The following HAO1 variants were observed in gnomAD, a reference collection of about 807,000 sequenced individuals.
The protein encoded by HAO1 is 2-Hydroxyacid oxidase 1.
A neutral mutation model predicts 39.7 loss-of-function variants in HAO1; 34 were observed. That is an observed-to-expected ratio of 0.86 (90% confidence interval 0.65 to 1.14). HAO1 has a LOEUF of 1.14. Ranked by LOEUF, HAO1 falls within the 50% of genes most tolerant of loss-of-function variation. HAO1 has a pLI of 0.00. For missense variants in HAO1, 479 were observed against 464.5 expected (o/e 1.03, Z -0.29); for synonymous variants, 172 against 173.2 (o/e 0.99, Z 0.05).
chr20:7,908,319 G>A (rs1340827072), intron 3 of HAO1, among the ~76,000 whole-genome samples: 3 of 150,668 alleles, frequency 2.0e-5, no homozygotes, highest in African/African-American at 5.0e-5. Context: ...TTGAACCCGG[G>A]AGGCGAGGTT....
At chr20:7,913,476 A>G (rs2050290329) in intron 3 of HAO1, among the ~76,000 whole-genome samples, 1 of 152,342 alleles carries the variant, frequency 6.6e-6, no homozygotes, top group South Asian at 2.1e-4. Flanking sequence ...AGTCTTTCCC[A>G]GAGACTTCCA....
chr20:7,939,921 T>A (rs1490481700), intron 1 of HAO1, among the ~76,000 whole-genome samples: 1 of 152,218 alleles, frequency 6.6e-6, no homozygotes, highest in Non-Finnish European at 1.5e-5. Context: ...ATAAGATGGT[T>A]ATCTGGCATT....
chr20:7,918,630 C>T lies in HAO1; in HGVS notation c.290-4211G>A, dbSNP rs147543156. 4.2e-3 allele frequency among the ~76,000 whole-genome samples: 645 copies of T among 152,306 alleles called. 5 individuals carry two copies. Among genetic ancestry groups the T allele is most frequent in the Non-Finnish European group, 7.6e-3 (518 of 68,026 alleles). Reference sequence around the variant, plus strand: ...GTGCCGGCAGAGCGGGGGGCATCCACCCTGTTAGAGCGCTAGAGACCAGCA... The same window carrying T: ...GTGCCGGCAGAGCGGGGGGCATCCATCCTGTTAGAGCGCTAGAGACCAGCA... On this transcript the variant is annotated intron_variant, in intron 2 of 7. Transcript: ENST00000378789.
At chr20:7,932,302 A>C in intron 2 of HAO1, among the ~76,000 whole-genome samples, 1 of 152,176 alleles carries the variant, frequency 6.6e-6, no homozygotes, top group East Asian at 1.9e-4. Context: ...AATCAGTGTG[A>C]GAAGGAACTA....
At chr20:7,931,151 G>A (rs1050778429) in intron 2 of HAO1, among the ~76,000 whole-genome samples, 4 of 152,104 alleles carry the variant, frequency 2.6e-5, no homozygotes, top group African/African-American at 7.2e-5. Flanking sequence ...ACCCAATGGA[G>A]GACCCTATGT....
Position 7,940,334 on chromosome 20 carries a change from C to G in HAO1, c.89G>C (p.Gly30Ala), listed in dbSNP as rs755523796. ...PKSIYDYYRS[G>A]ANDEETLADN... Reference sequence around the variant, plus strand: ...AGCCAAAGTTTCTTCATCATTTGCCCCAGACCTGTAATAGTCATATATAGA... The same window carrying G: ...AGCCAAAGTTTCTTCATCATTTGCCGCAGACCTGTAATAGTCATATATAGA... The change falls in exon 1 of 8, where the codon GGG becomes GCG. Residue 30 changes from glycine (G) to alanine (A), a missense_variant. Physicochemically the swap from Gly to Ala is moderately conservative, Grantham distance 60. Coordinates refer to ENST00000378789, the MANE Select transcript of HAO1 (RefSeq NM_017545.3). The G allele has an allele frequency of 8.1e-6, 13 of 1,610,952 alleles. 1 individual carries two copies. The South Asian group carries it at 1.1e-4, about 14-fold the overall frequency.
chr20:7,909,114 C>T (rs866285650), intron 3 of HAO1, among the ~76,000 whole-genome samples: 18 of 151,692 alleles, frequency 1.2e-4, no homozygotes, highest in African/African-American at 3.6e-4. Context: ...AAAACAGAAA[C>T]GTGGATAAAA....
chr20:7,890,023 G>A (rs2122750587), intron 5 of HAO1, among the ~76,000 whole-genome samples: 1 of 152,124 alleles, frequency 6.6e-6, no homozygotes, highest in South Asian at 2.1e-4. Flanking sequence ...CCTCCCCCAA[G>A]ACCTTTACCG....
intron 1 of HAO1, among the ~76,000 whole-genome samples, chr20:7,935,187 T>C (rs992984024): frequency 6.6e-6 from 1 of 152,206 alleles, no homozygotes; most frequent in Non-Finnish European, 1.5e-5. Context: ...GTGTCAATAG[T>C]TTGTTCCTTT....
intron 2 of HAO1, among the ~76,000 whole-genome samples, chr20:7,927,987 T>A (rs376574333): frequency 6.6e-6 from 1 of 152,222 alleles, no homozygotes; most frequent in Admixed American, 6.5e-5. Context: ...TAAAGATAGA[T>A]GAATAAATAA....
intron 2 of HAO1, among the ~76,000 whole-genome samples, chr20:7,931,668 G>T (rs528079401): frequency 5.1e-4 from 78 of 152,146 alleles, no homozygotes; most frequent in African/African-American, 1.9e-3. Context: ...ACTGTAATAG[G>T]CATTTAATAT....
intron 1 of HAO1, among the ~76,000 whole-genome samples, chr20:7,939,799 CAA>C (rs2050432408): frequency 6.6e-6 from 1 of 151,996 alleles, no homozygotes. Flanking sequence ...GCTGCATAGA[CAA>C]ATTGAAATCT....
rs6118004 is a variant in HAO1 at position 7,916,402 on chromosome 20, C to T, written c.290-1983G>A. On this transcript the variant is annotated intron_variant, in intron 2 of 7. Transcript: ENST00000378789. ...AATATACTTGTCCAAATGACACTCA[C>T]AGGATGTTGATAGGAATCCAGTGAG... Among the ~76,000 whole-genome samples, 47,662 of 152,126 alleles carry T rather than the reference C, an allele frequency of 0.31. 8,979 individuals are homozygous for T. The highest frequency in any genetic ancestry group is 0.51 in the African/African-American group (21,193 of 41,488).
intron 1 of HAO1, among the ~76,000 whole-genome samples, chr20:7,936,557 C>G (rs13045772): frequency 0.15 from 13,448 of 92,420 alleles, 668 homozygotes; most frequent in East Asian, 0.33. Context: ...TTCGCGCGCG[C>G]GCGCGCGCGT....
At chr20:7,920,465 C>T (rs2050325755) in intron 2 of HAO1, among the ~76,000 whole-genome samples, 1 of 152,084 alleles carries the variant, frequency 6.6e-6, no homozygotes, top group Non-Finnish European at 1.5e-5. Context: ...TTAAGATATA[C>T]AATACATTAC....
intron 1 of HAO1, among the ~76,000 whole-genome samples, chr20:7,938,776 C>T (rs2050425889): frequency 6.6e-6 from 1 of 152,138 alleles, no homozygotes; most frequent in African/African-American, 2.4e-5. Context: ...GGGACAGGAA[C>T]TTTGTCTGGC....
intron 3 of HAO1, among the ~76,000 whole-genome samples, chr20:7,911,014 T>C (rs1041281000): frequency 2.0e-5 from 3 of 152,222 alleles, no homozygotes; most frequent in South Asian, 2.1e-4. Context: ...TAGTCATGCG[T>C]TGATTCTGCG....
intron 4 of HAO1, among the ~76,000 whole-genome samples, chr20:7,900,140 C>T (rs930856880): frequency 1.1e-4 from 16 of 152,028 alleles, no homozygotes; most frequent in African/African-American, 1.4e-4. Context: ...GAACATTAAG[C>T]GCATATTTTT....
At chr20:7,918,870 T>C (rs182603356) in intron 2 of HAO1, among the ~76,000 whole-genome samples, 1 of 152,300 alleles carries the variant, frequency 6.6e-6, no homozygotes. Context: ...AGCACAAATG[T>C]TTTAAGCCCT....
Sources: allele counts gnomAD v4.1 joint callset (sites outside exome capture counted in the v4.1 genomes callset), GRCh38; gene constraint gnomAD v4.1.1; transcripts MANE v1.5; gene names NCBI Gene and HGNC (gene_info 2026-07-23, HGNC 2026-07-21).